PCDHGB5: variants seen among roughly 807,000 people sequenced by gnomAD.
PCDHGB5 encodes protocadherin gamma subfamily B, 5.
A neutral mutation model predicts 62.9 loss-of-function variants in PCDHGB5; 48 were observed. That is an observed-to-expected ratio of 0.76 (90% CI 0.61 to 0.97). The LOEUF is 0.97. Ranked by LOEUF, PCDHGB5 falls within the 50% of genes least tolerant of loss-of-function variation. The pLI is 0.00. For synonymous variants in PCDHGB5, 474 were observed against 511.2 expected (o/e 0.93, Z 0.98); for missense variants, 1,118 against 1,198.6 (o/e 0.93, Z 0.99).
At chr5:141,448,223 T>C (rs1377619033) in intron 1 of PCDHGB5, among the ~76,000 whole-genome samples, 1 of 152,204 alleles carries the variant, frequency 6.6e-6, no homozygotes, top group Non-Finnish European at 1.5e-5. Context: ...TGCGAATGTA[T>C]GTGTGGGGTT....
intron 2 of PCDHGB5, among the ~76,000 whole-genome samples, chr5:141,500,292 T>A (rs1001226545): frequency 2.0e-5 from 3 of 151,954 alleles, no homozygotes; most frequent in Non-Finnish European, 4.4e-5. Context: ...CACTGCAAGC[T>A]CCGCCTCCCA....
Position 141,399,202 on chromosome 5 carries a change from G to T in PCDHGB5, c.1075G>T (p.Gly359Ter). 1 of 1,613,914 alleles carries T rather than the reference G, an allele frequency of 6.2e-7. No individual in the cohort carries two copies. The highest frequency in any genetic ancestry group is 8.5e-7 in the Non-Finnish European group (1 of 1,179,858). ...LEMILENAVP[G>*]TLIALIKIHD... is the part of the protein sequence containing the mutation. Reference sequence around the variant, plus strand: ...AATGATTCTGGAAAACGCGGTGCCTGGAACACTAATTGCTTTGATCAAAAT... The same window carrying T: ...AATGATTCTGGAAAACGCGGTGCCTTGAACACTAATTGCTTTGATCAAAAT... Residue 359 changes from glycine (G) to a stop codon, truncating the protein, a stop_gained, in exon 1 of 4, where the codon GGA becomes TGA. Coordinates refer to ENST00000617380, the MANE Select transcript of PCDHGB5 (RefSeq NM_018925.3). LOFTEE classifies it high-confidence loss of function.
chr5:141,435,334 T>A (rs1223377462), intron 1 of PCDHGB5, among the ~76,000 whole-genome samples: 1 of 152,196 alleles, frequency 6.6e-6, no homozygotes, highest in African/African-American at 2.4e-5. Flanking sequence ...ATATAGTGAA[T>A]TTATTTCTTC....
chr5:141,498,684 C>T (rs1255085852), intron 2 of PCDHGB5, among the ~76,000 whole-genome samples: 1 of 152,192 alleles, frequency 6.6e-6, no homozygotes, highest in South Asian at 2.1e-4. Flanking sequence ...GTAATCCCAG[C>T]ACTTTGGGAG....
rs1202607096 is a variant in PCDHGB5, at chr5:141,398,709, G to A, written c.582G>A (p.Leu194=). 1 of 1,613,714 alleles carries A rather than the reference G, an allele frequency of 6.2e-7. No homozygotes were observed. Among genetic ancestry groups the A allele is most frequent in the Non-Finnish European group, 8.5e-7 (1 of 1,179,910 alleles). Residue 194 remains leucine (L), a synonymous_variant, in exon 1 of 4, where the codon CTG becomes CTA. Transcript: ENST00000617380. ...AGGATGGTAGTAAATACCCGGAACT[G>A]GCACTGGAGAAAACCTTAGACCGGG... ...EKQDGSKYPE[L]ALEKTLDREQ...
chr5:141,446,088 T>C (rs2098487177), intron 1 of PCDHGB5, among the ~76,000 whole-genome samples: 1 of 152,100 alleles, frequency 6.6e-6, no homozygotes, highest in African/African-American at 2.4e-5. Flanking sequence ...TAGAAATAAA[T>C]GGATGAATTA....
rs757876687 is a variant in PCDHGB5 at position 141,413,273 on chromosome 5, G to A, written c.2397+12749G>A. On this transcript the variant is annotated intron_variant, in intron 1 of 3. Coordinates refer to ENST00000617380, the MANE Select transcript of PCDHGB5 (RefSeq NM_018925.3). The stretch of plus-strand genomic sequence containing the variant: ...GGGATTCCATGGGAGGCTGGAGCCC[G>A]GCAGATCTCCTACTCAATTCCTGAG... 4.3e-6 allele frequency: 7 copies of A among 1,613,920 alleles called. No homozygotes were observed. The highest frequency in any genetic ancestry group is 5.9e-6 in the Non-Finnish European group (7 of 1,179,902).
intron 1 of PCDHGB5, chr5:141,419,944 C>T (rs1375807568): frequency 6.2e-7 from 1 of 1,614,066 alleles, no homozygotes; most frequent in South Asian, 1.1e-5. Flanking sequence ...TGGTGGTGGC[C>T]TTGGCCTTGA....
intron 1 of PCDHGB5, among the ~76,000 whole-genome samples, chr5:141,481,008 A>G (rs2099529606): frequency 6.6e-6 from 1 of 152,224 alleles, no homozygotes; most frequent in Non-Finnish European, 1.5e-5. Context: ...CAGTGAGCCC[A>G]GATCACACCA....
At chr5:141,494,783 C>G (rs2099756910) in intron 1 of PCDHGB5, 24 bp from the exon 2 acceptor site, 2 of 1,613,964 alleles carry the variant, frequency 1.2e-6, no homozygotes, top group Admixed American at 3.3e-5. Context: ...GTACTCAGCC[C>G]CTTTCCCTCT....
chr5:141,491,583 C>G lies in PCDHGB5; in HGVS notation c.2398-3224C>G. On this transcript the variant is annotated intron_variant, in intron 1 of 3. Coordinates refer to ENST00000617380, the MANE Select transcript of PCDHGB5 (RefSeq NM_018925.3). This position sits in a 1 kb window ranked among gnomAD's most constrained non-coding sequence, Gnocchi z 6.9. ...GCTACAGGACGTGCTTTTCACCGGC[C>G]TCGGACGGCAGTGACTTCACTTTTC... is the stretch of plus-strand genomic sequence containing the variant. 1 of 1,613,964 alleles carries G rather than the reference C, an allele frequency of 6.2e-7. No individual in the cohort carries two copies. The highest frequency in any genetic ancestry group is 8.5e-7 in the Non-Finnish European group (1 of 1,180,046).
At chr5:141,413,622 T>C (rs1561743710) in intron 1 of PCDHGB5, 2 of 1,613,760 alleles carry the variant, frequency 1.2e-6, no homozygotes, top group Non-Finnish European at 1.7e-6. Flanking sequence ...TTAATGAAAA[T>C]GTCGCTGCGG....
intron 1 of PCDHGB5, chr5:141,426,204 T>C (rs10046053): frequency 0.11 from 17,599 of 155,696 alleles, 1,197 homozygotes; most frequent in African/African-American, 0.19. Flanking sequence ...TTGAGTTTTC[T>C]ATGTATGGAA....
intron 1 of PCDHGB5, chr5:141,422,727 G>T (rs373180311): frequency 6.3e-5 from 102 of 1,606,434 alleles, no homozygotes; most frequent in Non-Finnish European, 2.0e-5. Context: ...TCCAGGGGGT[G>T]CCTCTGTCCT....
chr5:141,400,636 G>T (rs1478195116), intron 1 of PCDHGB5, 112 bp downstream of exon 1: 4 of 1,325,644 alleles, frequency 3.0e-6, no homozygotes, highest in Non-Finnish European at 4.2e-6. Context: ...AGTCAGAGCT[G>T]CTCAGAAAGC....
rs984222446 is a variant in PCDHGB5 at position 141,493,942 on chromosome 5, G to T, written c.2398-865G>T. ...ACACACCCCCTGGAAAGACCAGAAG[G>T]GACTCAGGAATGAAGTGGCTGGCCA... On this transcript the variant is annotated intron_variant, in intron 1 of 3. Transcript: ENST00000617380. The surrounding 1 kb of genome is among the most constrained non-coding windows in gnomAD (Gnocchi z 4.3). Among the ~76,000 whole-genome samples the T allele has an allele frequency of 1.3e-5, 2 of 152,168 alleles. No individual in the cohort carries two copies. Among genetic ancestry groups the T allele is most frequent in the Non-Finnish European group, 1.5e-5 (1 of 68,022 alleles).
intron 1 of PCDHGB5, chr5:141,405,129 G>C: frequency 6.2e-7 from 1 of 1,613,964 alleles, no homozygotes. Flanking sequence ...CATCTGCTGC[G>C]GGCTACCAGT....
chr5:141,415,411 G>A (rs754595054), intron 1 of PCDHGB5: 45 of 1,614,112 alleles, frequency 2.8e-5, no homozygotes, highest in Non-Finnish European at 3.6e-5. Context: ...GCACTTTGTG[G>A]GCGTGGACGG....
intron 1 of PCDHGB5, chr5:141,404,077 C>T: frequency 6.2e-7 from 1 of 1,613,742 alleles, no homozygotes; most frequent in East Asian, 2.2e-5. Flanking sequence ...ATGACCGAGA[C>T]TCCGGGAAGA....
Sources: gnomAD v4.1 joint callset for allele counts (sites outside exome capture counted in the v4.1 genomes callset) on GRCh38, gnomAD v4.1.1 for gene constraint, Gnocchi (gnomAD v3.1) non-coding constraint, MANE v1.5 for transcripts, NCBI Gene and HGNC (gene_info 2026-07-23, HGNC 2026-07-21) for gene names.